The following GEMIN5 variants were observed in gnomAD, a reference collection of about 807,000 sequenced individuals.
The protein encoded by GEMIN5 is gem-associated protein 5.
GEMIN5 carries 124 observed loss-of-function variants against 176.9 expected under a neutral mutation model. The ratio of observed to expected loss-of-function variants is 0.70; its 90% CI spans 0.61 to 0.81. The LOEUF is 0.81. GEMIN5 is among the 40% of genes least tolerant of loss of function. The pLI, the probability that GEMIN5 is intolerant of heterozygous loss-of-function variation, is 0.00. For missense variants in GEMIN5, 1,843 were observed against 1,814.6 expected (o/e 1.02, Z -0.28); for synonymous variants, 673 against 665.2 (o/e 1.01, Z -0.18).
chr5:154,905,091 G>A (rs182854661), intron 17 of GEMIN5, among the ~76,000 whole-genome samples: 114 of 152,300 alleles, frequency 7.5e-4, no homozygotes, highest in Admixed American at 1.6e-3. Context: ...CTACTCGGGA[G>A]GCTGAGGCAG....
chr5:154,892,597 C>G, intron 24 of GEMIN5, 48 bp from the exon 25 acceptor site: 1 of 1,564,610 alleles, frequency 6.4e-7, no homozygotes, highest in Non-Finnish European at 8.7e-7. Context: ...CCACGGTAGG[C>G]GCAGAGGATG....
At chr5:154,922,698 T>G (rs1228263541) in intron 9 of GEMIN5, among the ~76,000 whole-genome samples, 2 of 108,054 alleles carry the variant, frequency 1.9e-5, no homozygotes, top group African/African-American at 7.9e-5. Flanking sequence ...TTTAAAACAG[T>G]TTTTTTTTTT....
At chr5:154,931,805 G>A (rs905888607) in intron 4 of GEMIN5, 24 of 494,048 alleles carry the variant, frequency 4.9e-5, no homozygotes, top group Admixed American at 1.4e-4. Flanking sequence ...ACCTGAGGTC[G>A]GGAGTTCAAG....
chr5:154,892,777 A>G (rs1763263054), intron 24 of GEMIN5: 2 of 497,196 alleles, frequency 4.0e-6, no homozygotes, highest in South Asian at 5.8e-5. Flanking sequence ...TCACACTGAG[A>G]AAACACCTTT....
At chr5:154,907,465 A>G in intron 16 of GEMIN5, 126 bp downstream of exon 16, 1 of 672,180 alleles carries the variant, frequency 1.5e-6, no homozygotes, top group Non-Finnish European at 2.5e-6. Context: ...TTAACAAAAA[A>G]AACTAATGCT....
At chr5:154,933,768 C>T (rs976161539) in intron 3 of GEMIN5, among the ~76,000 whole-genome samples, 4 of 152,054 alleles carry the variant, frequency 2.6e-5, no homozygotes, top group African/African-American at 4.8e-5. Context: ...GCAACCTAAT[C>T]ACCAACAGAT....
chr5:154,897,995 G>A (rs1031130228), intron 23 of GEMIN5, among the ~76,000 whole-genome samples: 1 of 150,810 alleles, frequency 6.6e-6, no homozygotes, highest in African/African-American at 2.4e-5. Flanking sequence ...CGCCTTCCGG[G>A]TTCAAGTGAT....
chr5:154,888,174 T>C lies in GEMIN5; in HGVS notation c.*36A>G, dbSNP rs750074141. 2 of 1,601,712 alleles carry C rather than the reference T, an allele frequency of 1.2e-6. No homozygotes were observed. The highest frequency in any genetic ancestry group is 8.6e-7 in the Non-Finnish European group (1 of 1,169,034). On this transcript the variant is annotated 3_prime_UTR_variant, in exon 28 of 28. Transcript: ENST00000285873. ...TGCAGAGGTGAAAGATGTCAAACATTTTCAATTTGGCAGTTTCTTCAAGGT... is the reference window on the plus strand; with the variant it reads ...TGCAGAGGTGAAAGATGTCAAACATCTTCAATTTGGCAGTTTCTTCAAGGT...
chr5:154,929,211 G>C (rs1048478160), intron 5 of GEMIN5, among the ~76,000 whole-genome samples: 1 of 152,134 alleles, frequency 6.6e-6, no homozygotes, highest in Non-Finnish European at 1.5e-5. Flanking sequence ...GCGACAGAGA[G>C]AGACTCTGCC....
chr5:154,914,821 AAACT>A (rs1245566274), intron 13 of GEMIN5, among the ~76,000 whole-genome samples: 4 of 152,238 alleles, frequency 2.6e-5, no homozygotes, highest in Admixed American at 2.6e-4. Context: ...ATATTAAGTT[AAACT>A]AACAAACTGA....
intron 5 of GEMIN5, among the ~76,000 whole-genome samples, chr5:154,928,931 T>A (rs1415739250): frequency 6.7e-6 from 1 of 148,630 alleles, no homozygotes; most frequent in African/African-American, 2.4e-5. Context: ...TTAAGAGTAT[T>A]TTTTTTTTTT....
At chr5:154,905,722 G>T (rs1383600359) in intron 16 of GEMIN5, among the ~76,000 whole-genome samples, 15 of 143,302 alleles carry the variant, frequency 1.0e-4, no homozygotes, top group Admixed American at 1.0e-3. Context: ...TTTTTGAGAC[G>T]AAGTCTCACT....
In GEMIN5 at chr5:154,913,034, GCT is replaced by G; in HGVS notation, c.1858_1859del (p.Ser620GlnfsTer3). ...YVHNLKTVIESSPESPVTITE... is the reference protein window; with the variant it reads ...YVHNLKTVIEXSPESPVTITE... ...TAATGGTCACTGGAGACTCAGGGCT[GCT>G]CTCTAAAAGGCAAAGGAAAGACATC... On this transcript the variant is annotated frameshift_variant and splice_region_variant, in exon 14 of 28. Transcript: ENST00000285873. LOFTEE classifies it high-confidence loss of function. The G allele has an allele frequency of 6.2e-7, 1 of 1,609,550 alleles. No individual in the cohort carries two copies. Among genetic ancestry groups the G allele is most frequent in the African/African-American group, 1.3e-5 (1 of 74,874 alleles).
intron 14 of GEMIN5, 96 bp downstream of exon 14, chr5:154,912,803 G>T (rs1763729967): frequency 3.8e-6 from 4 of 1,043,350 alleles, no homozygotes; most frequent in South Asian, 1.8e-5. Flanking sequence ...TGATGATAAT[G>T]GGGGAGGGGG....
At chr5:154,911,638 A>C in intron 15 of GEMIN5, 89 bp downstream of exon 15, 4 of 1,155,910 alleles carry the variant, frequency 3.5e-6, no homozygotes, top group Non-Finnish European at 5.0e-6. Context: ...CTAATGCCCT[A>C]CACGAATGTC....
intron 15 of GEMIN5, among the ~76,000 whole-genome samples, chr5:154,911,066 G>A (rs570686898): frequency 3.3e-5 from 5 of 152,236 alleles, no homozygotes; most frequent in African/African-American, 1.2e-4. Context: ...TGTTTCTTTT[G>A]TCCTTTTGAC....
intron 19 of GEMIN5, 129 bp from the exon 20 acceptor site, chr5:154,902,805 A>G (rs1179251892): frequency 1.1e-6 from 1 of 920,662 alleles, no homozygotes; most frequent in Non-Finnish European, 1.7e-6. Context: ...GATGGGTGTC[A>G]CCTACCAGAG....
intron 8 of GEMIN5, among the ~76,000 whole-genome samples, chr5:154,925,425 A>C (rs1764009121): frequency 6.6e-6 from 1 of 152,214 alleles, no homozygotes; most frequent in Non-Finnish European, 1.5e-5. Context: ...GTATCATTTT[A>C]GAGAAAACCA....
intron 23 of GEMIN5, 70 bp from the exon 24 acceptor site, chr5:154,896,413 CG>C: frequency 6.9e-7 from 1 of 1,444,960 alleles, no homozygotes; most frequent in Non-Finnish European, 9.2e-7. Flanking sequence ...AGAGCTCTCC[CG>C]TGTCCTTCAA....
Sources: allele counts gnomAD v4.1 joint callset (sites outside exome capture counted in the v4.1 genomes callset), GRCh38; gene constraint gnomAD v4.1.1; transcripts MANE v1.5; gene names NCBI Gene and HGNC (gene_info 2026-07-23, HGNC 2026-07-21).